Variants in SLC6A5 observed in about 807,000 individuals in gnomAD.
The protein encoded by SLC6A5 is solute carrier family 6 member 5, also known as sodium- and chloride-dependent glycine transporter 2.
SLC6A5 carries 58 observed loss-of-function variants against 90.5 expected under a neutral mutation model. The observed-to-expected ratio is 0.64, with a 90% CI of 0.52 to 0.80. The LOEUF is 0.80. SLC6A5 is among the 30% of genes least tolerant of loss of function. SLC6A5 has a pLI of 0.00. For synonymous variants in SLC6A5, 427 were observed against 401.4 expected, an observed-to-expected ratio of 1.06 and a Z score of -0.76; for missense variants, 1,015 against 1,017.6, an observed-to-expected ratio of 1.00 and a Z score of 0.03.
chr11:20,646,447 T>G (rs1443263210), intron 13 of SLC6A5, among the ~76,000 whole-genome samples: 1 of 152,188 alleles, frequency 6.6e-6, no homozygotes, highest in Non-Finnish European at 1.5e-5. Flanking sequence ...TATGCTCTGT[T>G]TATTGACCAC....
Position 20,630,728 on chromosome 11 carries a change from A to G in SLC6A5, c.1537A>G (p.Ser513Gly). The G allele has an allele frequency of 6.2e-7, 1 of 1,614,230 alleles. No individual in the cohort carries two copies. The highest frequency in any genetic ancestry group is 8.5e-7 in the Non-Finnish European group (1 of 1,180,020). The change falls in exon 10 of 16, where the codon AGC becomes GGC. Residue 513 changes from serine to glycine, a missense_variant. By Grantham distance (56) the Ser-to-Gly change is moderately conservative. Transcript: ENST00000525748. ...LIVTCTNSAT[S>G]IFAGFVIFSV... ...TGTCACCTGCACCAACAGTGCCACA[A>G]GCATCTTTGCCGGCTTCGTCATCTT...
At chr11:20,613,370 A>G (rs1283590396) in intron 5 of SLC6A5, among the ~76,000 whole-genome samples, 1 of 152,186 alleles carries the variant, frequency 6.6e-6, no homozygotes, top group Non-Finnish European at 1.5e-5. Flanking sequence ...GTCCTTTGGG[A>G]TTAGTCCTGG....
chr11:20,620,430 G>A (rs1187945598), intron 7 of SLC6A5, among the ~76,000 whole-genome samples: 1 of 152,238 alleles, frequency 6.6e-6, no homozygotes, highest in Non-Finnish European at 1.5e-5. Context: ...CTGTAAGGAT[G>A]AAGTGAGACA....
Position 20,657,852 on chromosome 11 carries a change from C to A in SLC6A5, c.*2984C>A, listed in dbSNP as rs1189861136. On this transcript the variant is annotated 3_prime_UTR_variant, in exon 16 of 16. Coordinates refer to ENST00000525748, the MANE Select transcript of SLC6A5 (RefSeq NM_004211.5). ...TGTGACTTCTTATGCAAATGTCTTG[C>A]ATATTAGTAACTTTTATTATCTTTA... is the stretch of plus-strand genomic sequence containing the variant. The A allele has an allele frequency of 6.6e-6, 1 of 152,186 alleles. No individual in the cohort carries two copies. Among genetic ancestry groups the A allele is most frequent in the African/African-American group, 2.4e-5 (1 of 41,454 alleles). The allele number at this position is 152,186 out of a possible 1,614,324, so 9.4% of individuals were successfully genotyped here.
At chr11:20,632,450 C>T (rs1853126260) in intron 10 of SLC6A5, among the ~76,000 whole-genome samples, 2 of 152,030 alleles carry the variant, frequency 1.3e-5, no homozygotes. Context: ...AACAAATTGC[C>T]CATGTTTTCC....
Position 20,646,867 on chromosome 11 carries a change from T to C in SLC6A5, c.2003T>C (p.Met668Thr). ...LQRFCEDIEM[M>T]IGFQPNIFWK... is the part of the protein sequence containing the mutation. Reference sequence around the variant, plus strand: ...AGATTCTGTGAAGATATAGAGATGATGATTGGATTCCAGCCTAACATCTTC... The same window carrying C: ...AGATTCTGTGAAGATATAGAGATGACGATTGGATTCCAGCCTAACATCTTC... The change falls in exon 14 of 16, where the codon ATG becomes ACG. Residue 668 changes from methionine (M) to threonine (T), a missense_variant. Coordinates refer to ENST00000525748, the MANE Select transcript of SLC6A5 (RefSeq NM_004211.5). 1 of 1,613,790 alleles carries C rather than the reference T, an allele frequency of 6.2e-7. No individual in the cohort carries two copies. The highest frequency in any genetic ancestry group is 8.5e-7 in the Non-Finnish European group (1 of 1,179,766).
intron 7 of SLC6A5, among the ~76,000 whole-genome samples, chr11:20,618,388 T>G (rs1282805859): frequency 1.3e-5 from 2 of 152,188 alleles, no homozygotes; most frequent in African/African-American, 4.8e-5. Flanking sequence ...CTTTCAACTC[T>G]AAGCTTGACA....
At chr11:20,651,179 T>C (rs1344245070) in intron 14 of SLC6A5, among the ~76,000 whole-genome samples, 3 of 151,298 alleles carry the variant, frequency 2.0e-5, no homozygotes, top group Non-Finnish European at 4.4e-5. Context: ...TAAAAATACA[T>C]AAACGGAATG....
At position 20,653,436 on chromosome 11, in the gene SLC6A5, T is replaced by G. The variant is rs77650200; in HGVS notation, c.2238+980T>G. On this transcript the variant is annotated intron_variant, in intron 15 of 15. Coordinates refer to ENST00000525748, the MANE Select transcript of SLC6A5 (RefSeq NM_004211.5). ...GTGATAGAAGGCAGAGAAGAACAGTTTGGGCTTTGCTGTTGGTCTGATGGG... is the reference window on the plus strand; with the variant it reads ...GTGATAGAAGGCAGAGAAGAACAGTGTGGGCTTTGCTGTTGGTCTGATGGG... Among the ~76,000 whole-genome samples the G allele has an allele frequency of 5.4e-3, 827 of 152,220 alleles. 26 individuals carry two copies. The East Asian group carries it at 0.096, about 18-fold the overall frequency.
At chr11:20,613,988 A>G (rs527561756) in intron 5 of SLC6A5, among the ~76,000 whole-genome samples, 9 of 152,282 alleles carry the variant, frequency 5.9e-5, no homozygotes, top group African/African-American at 1.9e-4. Flanking sequence ...CCTGGAGAGA[A>G]GACTCATCCC....
intron 15 of SLC6A5, among the ~76,000 whole-genome samples, chr11:20,652,859 A>G (rs991202050): frequency 2.0e-5 from 3 of 152,094 alleles, no homozygotes; most frequent in African/African-American, 7.2e-5. Flanking sequence ...CCAAACATCT[A>G]TTACCATTAA....
chr11:20,627,559 A>G (rs1853021902), intron 8 of SLC6A5, among the ~76,000 whole-genome samples: 1 of 152,232 alleles, frequency 6.6e-6, no homozygotes, highest in South Asian at 2.1e-4. Flanking sequence ...TTGGGGCTAC[A>G]GAGTTTCAGA....
chr11:20,603,675 G>A (rs1212413897), intron 2 of SLC6A5, among the ~76,000 whole-genome samples: 2 of 152,170 alleles, frequency 1.3e-5, no homozygotes, highest in East Asian at 3.8e-4. Flanking sequence ...CTTGAAGGAT[G>A]CCTTCTTAAA....
intron 9 of SLC6A5, among the ~76,000 whole-genome samples, chr11:20,630,227 G>C (rs10766707): frequency 6.6e-6 from 1 of 151,972 alleles, no homozygotes; most frequent in Non-Finnish European, 1.5e-5. Flanking sequence ...TTCAAAGATG[G>C]CACCTTGTTG....
intron 6 of SLC6A5, among the ~76,000 whole-genome samples, chr11:20,615,432 G>A (rs1029958760): frequency 2.6e-5 from 4 of 151,922 alleles, no homozygotes; most frequent in African/African-American, 7.3e-5. Flanking sequence ...GCAGTGGCGC[G>A]ATCTCGGCTC....
At chr11:20,601,053 G>C in intron 1 of SLC6A5, 76 bp from the exon 2 acceptor site, 1 of 1,449,982 alleles carries the variant, frequency 6.9e-7, no homozygotes, top group Non-Finnish European at 9.2e-7. Flanking sequence ...AGTTGCGAAC[G>C]TCTCCATATC....
At chr11:20,636,544 A>T in intron 11 of SLC6A5, 125 bp downstream of exon 11, 1 of 724,730 alleles carries the variant, frequency 1.4e-6, no homozygotes, top group South Asian at 1.5e-5. Context: ...CTCCCGAGAG[A>T]TCTAGAGATG....
At chr11:20,604,542 G>A in intron 3 of SLC6A5, 118 bp downstream of exon 3, 1 of 1,287,398 alleles carries the variant, frequency 7.8e-7, no homozygotes, top group Non-Finnish European at 1.1e-6. Flanking sequence ...AGCCTCCTTA[G>A]GCTCCAGCCC....
At chr11:20,652,976 C>T (rs993759243) in intron 15 of SLC6A5, among the ~76,000 whole-genome samples, 5 of 152,168 alleles carry the variant, frequency 3.3e-5, no homozygotes, top group Admixed American at 2.6e-4. Context: ...AATTTCAGGA[C>T]GTGGCTGGTA....
Sources: allele counts gnomAD v4.1 joint callset (sites outside exome capture counted in the v4.1 genomes callset), GRCh38; gene constraint gnomAD v4.1.1; transcripts MANE v1.5; gene names NCBI Gene and HGNC (gene_info 2026-07-23, HGNC 2026-07-21).